The following RAB27B variants were observed in gnomAD, a reference collection of about 807,000 sequenced individuals.
RAB27B encodes ras-related protein Rab-27B.
A neutral mutation model predicts 24.6 loss-of-function variants in RAB27B; 15 were observed. That is an observed-to-expected ratio of 0.61 (90% CI 0.41 to 0.94). The LOEUF (loss-of-function observed/expected upper bound fraction) is 0.94, where lower values mean the gene tolerates loss of function less well. RAB27B is among the 40% of genes least tolerant of loss of function. The pLI, the probability that RAB27B is intolerant of heterozygous loss-of-function variation, is 0.00. For synonymous variants in RAB27B, 105 were observed against 92.5 expected (o/e 1.14, Z -0.78); for missense variants, 261 against 266.8 (o/e 0.98, Z 0.15).
At chr18:54,832,303 AAAG>A (rs1910713214) in intron 1 of RAB27B, among the ~76,000 whole-genome samples, 2 of 152,350 alleles carry the variant, frequency 1.3e-5, no homozygotes, top group South Asian at 4.1e-4. Flanking sequence ...GAGGTGAAGA[AAAG>A]AAAGAACCAA....
At chr18:54,860,957 T>C (rs1253538156) in intron 1 of RAB27B, among the ~76,000 whole-genome samples, 1 of 152,236 alleles carries the variant, frequency 6.6e-6, no homozygotes, top group African/African-American at 2.4e-5. Context: ...ATCTTGGCTT[T>C]TCCTTGGAAT....
intron 2 of RAB27B, among the ~76,000 whole-genome samples, chr18:54,738,885 C>A (rs576910884): frequency 3.9e-4 from 59 of 152,216 alleles, no homozygotes; most frequent in Admixed American, 7.9e-4. Context: ...AAATGTATAT[C>A]TCTGTGTAAC....
intron 2 of RAB27B, chr18:54,745,122 G>A (rs889088060): frequency 3.1e-5 from 5 of 163,762 alleles, no homozygotes; most frequent in South Asian, 1.5e-4. Context: ...GGTGGTTACC[G>A]ATCCCAGCCT....
chr18:54,867,298 G>A (rs1460063732), intron 1 of RAB27B, among the ~76,000 whole-genome samples: 1 of 152,030 alleles, frequency 6.6e-6, no homozygotes, highest in Non-Finnish European at 1.5e-5. Flanking sequence ...TACTACTAAC[G>A]TGCAGTCAAC....
chr18:54,719,557 T>C (rs1467168713), intron 2 of RAB27B, among the ~76,000 whole-genome samples: 1 of 152,120 alleles, frequency 6.6e-6, no homozygotes, highest in Non-Finnish European at 1.5e-5. Flanking sequence ...ATAACATTTC[T>C]TAGGCAGAGA....
intron 2 of RAB27B, among the ~76,000 whole-genome samples, chr18:54,722,339 A>T (rs536217356): frequency 5.9e-5 from 9 of 152,226 alleles, no homozygotes; most frequent in Admixed American, 5.2e-4. Context: ...TTAGATGCAG[A>T]TGTTATTAAT....
At chr18:54,850,356 A>ATATATATATATATATATATATATATATG (rs1304515980) in intron 1 of RAB27B, among the ~76,000 whole-genome samples, 7 of 139,242 alleles carry the variant, frequency 5.0e-5, no homozygotes, top group African/African-American at 1.4e-4. Context: ...ATATATATAT[A>ATATATATATATATATATATATATATATG]TATACATACA....
At chr18:54,821,842 C>G (rs1487764211) in intron 2 of RAB27B, among the ~76,000 whole-genome samples, 5 of 152,234 alleles carry the variant, frequency 3.3e-5, no homozygotes, top group African/African-American at 4.8e-5. Flanking sequence ...CAACCTCTGC[C>G]TCCGGGGCTG....
At chr18:54,802,869 G>A (rs1252023488) in intron 2 of RAB27B, among the ~76,000 whole-genome samples, 4 of 152,206 alleles carry the variant, frequency 2.6e-5, no homozygotes, top group Non-Finnish European at 5.9e-5. Context: ...GACATGTGCT[G>A]CTTTGGAAAG....
At chr18:54,845,765 G>T (rs904031810) in intron 1 of RAB27B, among the ~76,000 whole-genome samples, 1 of 152,122 alleles carries the variant, frequency 6.6e-6, no homozygotes, top group African/African-American at 2.4e-5. Flanking sequence ...TTGTAAATAT[G>T]TTAATTGGCC....
At chr18:54,787,197 A>G (rs1297332345) in intron 2 of RAB27B, among the ~76,000 whole-genome samples, 1 of 152,218 alleles carries the variant, frequency 6.6e-6, no homozygotes, top group African/African-American at 2.4e-5. Context: ...CTTGCCTTGT[A>G]GAGGTACCAG....
rs551594398 is a variant in RAB27B, at chr18:54,769,736, ATAATG to A, written c.-20+51599_-20+51603del. Among the ~76,000 whole-genome samples, 6 of 152,346 alleles carry A rather than the reference ATAATG, an allele frequency of 3.9e-5. No homozygotes were observed. The South Asian group carries it at 1.2e-3, about 32-fold the overall frequency. On this transcript the variant is annotated intron_variant, in intron 2 of 4. Coordinates refer to the RAB27B transcript ENST00000586570. ...CATGTGGTATTTGTTTTTGTACTAT[ATAATG>A]TAAATCAGCAGTCTGATTTCATTTT...
chr18:54,871,847 C>G (rs1215252128), intron 1 of RAB27B, among the ~76,000 whole-genome samples: 1 of 87,194 alleles, frequency 1.1e-5, no homozygotes, highest in Non-Finnish European at 2.2e-5. Context: ...AAGACTCCAT[C>G]TCAAAAAAAA....
chr18:54,804,153 A>T (rs1909693999), intron 2 of RAB27B, among the ~76,000 whole-genome samples: 2 of 152,220 alleles, frequency 1.3e-5, no homozygotes, highest in South Asian at 2.1e-4. Flanking sequence ...TGAGATGCCT[A>T]TGCACATTAA....
intron 2 of RAB27B, among the ~76,000 whole-genome samples, chr18:54,731,214 C>T (rs566355508): frequency 6.6e-6 from 1 of 152,214 alleles, no homozygotes; most frequent in South Asian, 2.1e-4. Flanking sequence ...AGTTGTAATT[C>T]ATTAGTTCAA....
intron 2 of RAB27B, among the ~76,000 whole-genome samples, chr18:54,740,942 A>C (rs1232752273): frequency 6.6e-6 from 1 of 152,186 alleles, no homozygotes; most frequent in Non-Finnish European, 1.5e-5. Context: ...AACATATGAC[A>C]AGACTAAAAC....
intron 2 of RAB27B, among the ~76,000 whole-genome samples, chr18:54,812,500 C>G (rs984107782): frequency 1.3e-5 from 2 of 150,808 alleles, no homozygotes; most frequent in Non-Finnish European, 3.0e-5. Flanking sequence ...ATTGCAGAGA[C>G]AGTAGCAGAG....
chr18:54,785,039 C>T (rs1909037493), intron 2 of RAB27B, among the ~76,000 whole-genome samples: 2 of 152,202 alleles, frequency 1.3e-5, no homozygotes, highest in Non-Finnish European at 2.9e-5. Flanking sequence ...CAATGTCCTC[C>T]CAACCTATCA....
At chr18:54,738,513 C>T (rs1909970193) in intron 2 of RAB27B, among the ~76,000 whole-genome samples, 1 of 152,022 alleles carries the variant, frequency 6.6e-6, no homozygotes, top group African/African-American at 2.4e-5. Flanking sequence ...TGCCTGATTC[C>T]CCTTCCACCA....
Sources: allele counts gnomAD v4.1 joint callset (sites outside exome capture counted in the v4.1 genomes callset), GRCh38; gene constraint gnomAD v4.1.1; transcripts MANE v1.5; gene names NCBI Gene and HGNC (gene_info 2026-07-23, HGNC 2026-07-21).